Variants in SCN1A observed in about 807,000 individuals in gnomAD.
SCN1A encodes sodium channel protein type 1 subunit alpha.
SCN1A carries 13 observed loss-of-function variants against 193.7 expected under a neutral mutation model. That is an observed-to-expected ratio of 0.07 (90% CI 0.04 to 0.11). The LOEUF (loss-of-function observed/expected upper bound fraction) is 0.11, where lower values mean the gene tolerates loss of function less well. SCN1A is among the 10% of genes least tolerant of loss of function. The pLI is 1.00. For synonymous variants in SCN1A, 781 were observed against 843.6 expected (o/e 0.93, Z 1.29); for missense variants, 1,432 against 2,451.1 (o/e 0.58, Z 8.78).
chr2:166,006,047 T>A (rs1467737067), intron 23 of SCN1A, among the ~76,000 whole-genome samples: 1 of 151,380 alleles, frequency 6.6e-6, no homozygotes, highest in Non-Finnish European at 1.5e-5. Context: ...AATATGCAAA[T>A]TCACATTAGA....
rs990456128 is a variant in SCN1A, at chr2:166,052,008, T to G, written c.695-20A>C. 1 of 1,602,710 alleles carries G rather than the reference T, an allele frequency of 6.2e-7. No individual in the cohort carries two copies. Among genetic ancestry groups the G allele is most frequent in the Non-Finnish European group, 8.5e-7 (1 of 1,173,030 alleles). On this transcript the variant is annotated intron_variant, in intron 8 of 28. Transcript: ENST00000674923. ...TCAGGCCTGAAAGAAAGAAGTCTAT[T>G]ACTATGAAGACTTAACACGTGTGAA...
chr2:166,030,549 A>G lies in SCN1A; in HGVS notation c.3429+5499T>C, dbSNP rs144050360. On this transcript the variant is annotated intron_variant, in intron 19 of 28. Transcript: ENST00000674923. ...ATAACTCAATTTATTTAAAATTTTT[A>G]TTTAAATGGAATTAAGTAGTAATTT... is the stretch of plus-strand genomic sequence containing the variant. Among the ~76,000 whole-genome samples, 697 of 152,256 alleles carry G rather than the reference A, an allele frequency of 4.6e-3. 1 individual carries two copies. Among genetic ancestry groups the G allele is most frequent in the African/African-American group, 0.016 (667 of 41,560 alleles).
chr2:166,072,149 T>C (rs1684494989), intron 4 of SCN1A, among the ~76,000 whole-genome samples: 1 of 152,166 alleles, frequency 6.6e-6, no homozygotes, highest in East Asian at 1.9e-4. Context: ...TTAGGGGGTA[T>C]TTTAAGGTCC....
rs377331238 is a variant in SCN1A, at chr2:166,051,918, C to T, written c.765G>A (p.Val255=). 47 of 1,612,532 alleles carry T rather than the reference C, an allele frequency of 2.9e-5. No homozygotes were observed. Among genetic ancestry groups the T allele is most frequent in the Non-Finnish European group, 3.6e-5 (42 of 1,178,956 alleles). ...TTAGAGCAAATACGCTCAGACAGAA[C>T]ACAGTCAGGATCATTACATCTGAGA... The part of the protein sequence containing the change: ...KKLSDVMILT[V]FCLSVFALIG... The change falls in exon 9 of 29, where the codon GTG becomes GTA. Residue 255 remains valine, a synonymous_variant. Coordinates refer to ENST00000674923, the MANE Select transcript of SCN1A (RefSeq NM_001165963.4).
chr2:166,145,880 T>C (rs1014025648), intron 1 of SCN1A, among the ~76,000 whole-genome samples: 2 of 152,076 alleles, frequency 1.3e-5, no homozygotes, highest in Non-Finnish European at 2.9e-5. Context: ...TACGTCTGGA[T>C]ATAAGAGCTG....
intron 2 of SCN1A, chr2:166,081,529 C>T (rs1193766195): frequency 6.6e-6 from 1 of 151,808 alleles, no homozygotes; most frequent in Non-Finnish European, 1.5e-5. Context: ...AAGGTGATAT[C>T]TGTCTTAGTC....
Position 165,986,599 on chromosome 2 carries a change from C to T in SCN1A, c.*4646G>A, listed in dbSNP as rs1463195292. 4.0e-5 allele frequency: 6 copies of T among 150,336 alleles called. No individual in the cohort carries two copies. The highest frequency in any genetic ancestry group is 6.7e-5 in the Admixed American group (1 of 14,988). 9.3% of individuals were successfully genotyped at this position (150,336 alleles called of 1,614,324 possible). On this transcript the variant is annotated 3_prime_UTR_variant, in exon 29 of 29. Coordinates refer to ENST00000674923, the MANE Select transcript of SCN1A (RefSeq NM_001165963.4). ...CAGTATATATTGAATTAATTACCAACAGTAGATCTAATTTTGAAGGTAGAA... is the reference window on the plus strand; with the variant it reads ...CAGTATATATTGAATTAATTACCAATAGTAGATCTAATTTTGAAGGTAGAA...
At chr2:166,088,772 GT>G (rs1315205494) in intron 2 of SCN1A, among the ~76,000 whole-genome samples, 17 of 152,186 alleles carry the variant, frequency 1.1e-4, no homozygotes, top group African/African-American at 4.1e-4. Context: ...TACTTGATTT[GT>G]TGCGACAACT....
At chr2:166,093,894 T>C (rs2106098700) in intron 2 of SCN1A, among the ~76,000 whole-genome samples, 1 of 152,352 alleles carries the variant, frequency 6.6e-6, no homozygotes, top group East Asian at 1.9e-4. Flanking sequence ...TCTTTCACAG[T>C]TCAATGCTCT....
At chr2:166,109,510 G>A (rs1689070549) in intron 2 of SCN1A, 1 of 152,896 alleles carries the variant, frequency 6.5e-6, no homozygotes, top group Non-Finnish European at 1.5e-5. Flanking sequence ...TTCACAAATT[G>A]AAAGTTTGTG....
chr2:166,131,796 A>G (rs1330280491), upstream of SCN1A, among the ~76,000 whole-genome samples: 1 of 152,204 alleles, frequency 6.6e-6, no homozygotes, highest in Non-Finnish European at 1.5e-5. Flanking sequence ...AACTTTAACC[A>G]GCTGCCTTAT....
At chr2:166,115,813 C>A (rs1173615313) in intron 2 of SCN1A, among the ~76,000 whole-genome samples, 1 of 152,036 alleles carries the variant, frequency 6.6e-6, no homozygotes, top group African/African-American at 2.4e-5. Flanking sequence ...TATGCTGCAC[C>A]ATATTGCAAA....
chr2:166,067,668 C>T (rs1375901481), intron 4 of SCN1A, among the ~76,000 whole-genome samples: 1 of 149,446 alleles, frequency 6.7e-6, no homozygotes, highest in African/African-American at 2.5e-5. Context: ...AGTAATTATA[C>T]TGATATTATA....
At chr2:166,124,004 T>A (rs1690940223) in intron 2 of SCN1A, among the ~76,000 whole-genome samples, 1 of 152,190 alleles carries the variant, frequency 6.6e-6, no homozygotes, top group African/African-American at 2.4e-5. Flanking sequence ...AAACTTTTTC[T>A]CCACCTCTTT....
chr2:166,028,417 A>G (rs922009483), intron 19 of SCN1A, among the ~76,000 whole-genome samples: 5 of 152,182 alleles, frequency 3.3e-5, no homozygotes, highest in Admixed American at 2.0e-4. Flanking sequence ...ATGTTAAATT[A>G]TAACATACTT....
At chr2:166,032,472 T>C (rs1003724828) in intron 19 of SCN1A, among the ~76,000 whole-genome samples, 3 of 152,072 alleles carry the variant, frequency 2.0e-5, no homozygotes, top group Non-Finnish European at 2.9e-5. Context: ...GCAGAATATC[T>C]CATAATTTAT....
chr2:166,009,545 G>T, intron 23 of SCN1A, 174 bp downstream of exon 23: 1 of 477,850 alleles, frequency 2.1e-6, no homozygotes, highest in South Asian at 2.7e-5. Context: ...TTCAAGAGAG[G>T]CCTATTTCTC....
chr2:166,005,968 A>G (rs545920931), intron 23 of SCN1A, among the ~76,000 whole-genome samples: 30 of 151,478 alleles, frequency 2.0e-4, no homozygotes, highest in African/African-American at 3.6e-4. Context: ...TAGCACAACC[A>G]ATTCTATTTC....
In SCN1A at chr2:166,039,410, T is replaced by TG. The variant is rs779108974; in HGVS notation, c.2589+12_2589+13insC. 3.7e-6 allele frequency: 6 copies of TG among 1,601,916 alleles called. No homozygotes were observed. The highest frequency in any genetic ancestry group is 5.1e-6 in the Non-Finnish European group (6 of 1,173,922). On this transcript the variant is annotated intron_variant, in intron 17 of 28. Transcript: ENST00000674923. The stretch of plus-strand genomic sequence containing the variant: ...AGGTTTTTGAATTTGGTGCTTTTTT[T>TG]TTTTTTTTTTACCAATCGAAATGAA...
Sources: gnomAD v4.1 joint callset for allele counts (sites outside exome capture counted in the v4.1 genomes callset) on GRCh38, gnomAD v4.1.1 for gene constraint, MANE v1.5 for transcripts, NCBI Gene and HGNC (gene_info 2026-07-23, HGNC 2026-07-21) for gene names.